The following ZFHX3 variants were observed in gnomAD, a reference collection of about 807,000 sequenced individuals.
The protein encoded by ZFHX3 is zinc finger homeobox 3.
In ZFHX3, 42 loss-of-function variants were observed where a neutral mutation model predicts 279.1. The ratio of observed to expected loss-of-function variants is 0.15; its 90% confidence interval spans 0.12 to 0.19. The LOEUF (loss-of-function observed/expected upper bound fraction) is 0.19. ZFHX3 is among the 10% of genes least tolerant of loss of function. The probability of loss-of-function intolerance (pLI) is 1.00; values close to 1 mark genes in which losing one functional copy is unlikely to be tolerated. For synonymous variants in ZFHX3, 2,293 were observed against 1,957.8 expected, an observed-to-expected ratio of 1.17 and a Z score of -4.52; for missense variants, 4,981 against 4,754.0, an observed-to-expected ratio of 1.05 and a Z score of -1.40.
chr16:72,891,184 C>T (rs2038765226), intron 3 of ZFHX3, among the ~76,000 whole-genome samples: 1 of 152,220 alleles, frequency 6.6e-6, no homozygotes, highest in Non-Finnish European at 1.5e-5. Context: ...CCTGGCTTAT[C>T]ATTGGCCAAT....
chr16:72,858,075 C>CG (rs1451775028), intron 4 of ZFHX3, among the ~76,000 whole-genome samples: 1 of 152,186 alleles, frequency 6.6e-6, no homozygotes, highest in Non-Finnish European at 1.5e-5. Flanking sequence ...TCTGGTGCGG[C>CG]GGGGGGCTCT....
At chr16:73,805,757 G>C (rs1034047667) in intron 1 of ZFHX3, among the ~76,000 whole-genome samples, 1 of 152,200 alleles carries the variant, frequency 6.6e-6, no homozygotes. Context: ...GCCACAAAAA[G>C]ATGCACGTAT....
At chr16:73,331,933 A>T (rs1395690724) in intron 3 of ZFHX3, among the ~76,000 whole-genome samples, 1 of 152,230 alleles carries the variant, frequency 6.6e-6, no homozygotes, top group Non-Finnish European at 1.5e-5. Context: ...TTGGGAAATC[A>T]GTGGTTAAAA....
At chr16:73,733,293 T>C (rs2053583930) in intron 1 of ZFHX3, among the ~76,000 whole-genome samples, 1 of 152,138 alleles carries the variant, frequency 6.6e-6, no homozygotes, top group Non-Finnish European at 1.5e-5. Flanking sequence ...ACAGTTATTC[T>C]TAGAAGACAT....
At chr16:73,235,530 G>A (rs1290678098) in intron 5 of ZFHX3, among the ~76,000 whole-genome samples, 2 of 152,236 alleles carry the variant, frequency 1.3e-5, no homozygotes, top group Non-Finnish European at 2.9e-5. Context: ...ATGAGGAGGA[G>A]TGGGGCTTGG....
intron 4 of ZFHX3, among the ~76,000 whole-genome samples, chr16:72,868,921 G>A (rs2038087103): frequency 6.6e-6 from 1 of 152,190 alleles, no homozygotes; most frequent in South Asian, 2.1e-4. Flanking sequence ...GGAATTCTAA[G>A]AATGGACAGG....
Position 73,844,293 on chromosome 16 carries a change from G to C in ZFHX3, c.-1608+47358C>G, listed in dbSNP as rs78699291. Reference sequence around the variant, plus strand: ...TATGATGAAGTTATATGACTGGGGGGGTTGAACAGGACAGCTGTTTTGCTA... The same window carrying C: ...TATGATGAAGTTATATGACTGGGGGCGTTGAACAGGACAGCTGTTTTGCTA... On this transcript the variant is annotated intron_variant, in intron 1 of 17. Transcript: ENST00000641206. 3.3e-3 allele frequency among the ~76,000 whole-genome samples: 502 copies of C among 152,294 alleles called. 12 individuals carry two copies. The East Asian group carries it at 0.073, about 22-fold the overall frequency.
chr16:73,542,385 C>G (rs1188382429), intron 2 of ZFHX3, among the ~76,000 whole-genome samples: 1 of 152,002 alleles, frequency 6.6e-6, no homozygotes, highest in East Asian at 1.9e-4. Context: ...TTCCCAACGT[C>G]CTTATTTTTA....
rs1567515351 is a variant in ZFHX3, at chr16:72,795,279, T to C, written c.7403A>G (p.Gln2468Arg). ...GGACACCAGCTGGGGGAGCTTCTGC[T>C]GGGGAGTGTTGGTCTTCTGCTCGGG... is the stretch of plus-strand genomic sequence containing the variant. ...EQPEQKTNTP[Q>R]QKLPQLVSLP... Residue 2468 changes from glutamine (Q) to arginine (R), a missense_variant, in exon 9 of 10, where the codon CAG (glutamine) becomes CGG (arginine). Gln to Arg is a conservative substitution (Grantham distance 43, BLOSUM62 1). Transcript: ENST00000268489. The C allele has an allele frequency of 8.7e-6, 14 of 1,613,430 alleles. No individual in the cohort carries two copies. Among genetic ancestry groups the C allele is most frequent in the Non-Finnish European group, 1.2e-5 (14 of 1,179,784 alleles).
At chr16:73,220,130 C>G (rs1045843228) in intron 5 of ZFHX3, among the ~76,000 whole-genome samples, 10 of 151,550 alleles carry the variant, frequency 6.6e-5, no homozygotes, top group Non-Finnish European at 1.5e-4. Context: ...AAGAAAAATA[C>G]GTTTGGGCAT....
intron 3 of ZFHX3, among the ~76,000 whole-genome samples, chr16:73,354,777 C>G (rs2016308316): frequency 6.6e-6 from 1 of 152,148 alleles, no homozygotes; most frequent in African/African-American, 2.4e-5. Flanking sequence ...GTTTTTCAGT[C>G]TCTAATTAGC....
chr16:72,879,448 C>T (rs941600036), intron 4 of ZFHX3, among the ~76,000 whole-genome samples: 8 of 152,104 alleles, frequency 5.3e-5, no homozygotes, highest in Admixed American at 6.5e-5. Context: ...TCTTTTGAGA[C>T]GGAGTCTCGC....
At chr16:73,290,905 T>C (rs903051726) in intron 4 of ZFHX3, among the ~76,000 whole-genome samples, 2 of 152,016 alleles carry the variant, frequency 1.3e-5, no homozygotes, top group African/African-American at 2.4e-5. Flanking sequence ...TGGGAGCAAA[T>C]GGGAAATGCA....
chr16:73,802,440 A>T (rs556080383), intron 1 of ZFHX3, among the ~76,000 whole-genome samples: 57 of 152,318 alleles, frequency 3.7e-4, no homozygotes, highest in African/African-American at 1.3e-3. Context: ...CATGACTTTC[A>T]AAAGTCTCAT....
intron 5 of ZFHX3, among the ~76,000 whole-genome samples, chr16:73,247,611 TA>T (rs2013330743): frequency 1.3e-5 from 2 of 151,822 alleles, no homozygotes; most frequent in African/African-American, 4.8e-5. Context: ...TGTGTATATG[TA>T]CCTGTATGTG....
At position 72,951,264 on chromosome 16, in the gene ZFHX3, C is replaced by CT. The variant is rs549453988; in HGVS notation, c.2720-300dup. Among the ~76,000 whole-genome samples the CT allele has an allele frequency of 4.4e-3, 653 of 147,520 alleles. 4 individuals are homozygous for CT. Among genetic ancestry groups the CT allele is most frequent in the African/African-American group, 0.013 (529 of 40,506 alleles). On this transcript the variant is annotated intron_variant, in intron 2 of 9. Coordinates refer to ENST00000268489, the MANE Select transcript of ZFHX3 (RefSeq NM_006885.4). ...CATAGCCTCTTTAATATTTCCTTTT[C>CT]TTTTTTTTTTTCCCGAGATGGAGTC...
At chr16:73,199,197 C>T (rs1014854471) in intron 5 of ZFHX3, among the ~76,000 whole-genome samples, 3 of 152,300 alleles carry the variant, frequency 2.0e-5, no homozygotes, top group Admixed American at 6.5e-5. Flanking sequence ...AGGAAGAAGA[C>T]GGTTTGTGTA....
At chr16:73,168,211 T>TTTTCTTTCTTTC (rs71156144) in intron 5 of ZFHX3, among the ~76,000 whole-genome samples, 14,585 of 95,076 alleles carry the variant, frequency 0.15, 2,290 homozygotes, top group Middle Eastern at 0.23. Context: ...GTTTCTTTTG[T>TTTTCTTTCTTTC]TTTCTTTCTT....
At chr16:73,840,465 A>C (rs1252084808) in intron 1 of ZFHX3, among the ~76,000 whole-genome samples, 6 of 152,146 alleles carry the variant, frequency 3.9e-5, no homozygotes, top group African/African-American at 1.4e-4. Flanking sequence ...TCAGGTACAC[A>C]ACGTAATTTT....
Sources: gnomAD v4.1 joint callset for allele counts (sites outside exome capture counted in the v4.1 genomes callset) on GRCh38, gnomAD v4.1.1 for gene constraint, MANE v1.5 for transcripts, NCBI Gene and HGNC (gene_info 2026-07-23, HGNC 2026-07-21) for gene names.